Variants in PAK2 observed in about 807,000 individuals in gnomAD.
The protein encoded by PAK2 is serine/threonine-protein kinase PAK 2.
In PAK2, 21 loss-of-function variants were observed where a neutral mutation model predicts 65.9. The ratio of observed to expected loss-of-function variants is 0.32; its 90% CI spans 0.23 to 0.46. The LOEUF is 0.46. Among genes scored for constraint, PAK2 ranks in the 20% least tolerant of loss-of-function variants. The pLI is 1.00. For missense variants in PAK2, 324 were observed against 642.6 expected, an observed-to-expected ratio of 0.50 and a Z score of 5.36; for synonymous variants, 204 against 219.7, an observed-to-expected ratio of 0.93 and a Z score of 0.63.
chr3:196,820,467 G>A lies in PAK2; in HGVS notation c.1250G>A (p.Arg417Gln), dbSNP rs774110601. Reference protein sequence around the residue: ...PYWMAPEVVTRKAYGPKVDIW... With the variant: ...PYWMAPEVVTQKAYGPKVDIW... Reference sequence around the variant, plus strand: ...TGGATGGCACCAGAGGTGGTTACACGGAAAGCTTATGGCCCTAAAGTCGAC... The same window carrying A: ...TGGATGGCACCAGAGGTGGTTACACAGAAAGCTTATGGCCCTAAAGTCGAC... Residue 417 changes from arginine (R) to glutamine (Q), a missense_variant, in exon 13 of 15, where the codon CGG (arginine) becomes CAG (glutamine). By Grantham distance (43) the Arg-to-Gln change is conservative (BLOSUM62 1). This residue lies in a region of PAK2 where 36 missense variants were observed against 161.5 expected (regional missense o/e 0.22). Coordinates refer to ENST00000327134, the MANE Select transcript of PAK2 (RefSeq NM_002577.4). The surrounding 1 kb of genome is among the most constrained non-coding windows in gnomAD (Gnocchi z 4.6). The A allele has an allele frequency of 1.2e-6, 2 of 1,612,988 alleles. No individual in the cohort carries two copies. Among genetic ancestry groups the A allele is most frequent in the South Asian group, 1.1e-5 (1 of 90,996 alleles).
intron 2 of PAK2, among the ~76,000 whole-genome samples, chr3:196,797,650 G>C (rs763748527): frequency 6.6e-6 from 1 of 151,834 alleles, no homozygotes; most frequent in Non-Finnish European, 1.5e-5. Context: ...TACTTGGGAG[G>C]CTGAGGCATA....
At chr3:196,784,624 CATT>C (rs2108742070) in intron 2 of PAK2, among the ~76,000 whole-genome samples, 1 of 137,854 alleles carries the variant, frequency 7.3e-6, no homozygotes, top group African/African-American at 2.7e-5. Context: ...TCCAGTCTAT[CATT>C]GTTGGACATT....
chr3:196,748,433 G>A (rs1281953718), intron 1 of PAK2, among the ~76,000 whole-genome samples: 1 of 152,158 alleles, frequency 6.6e-6, no homozygotes, highest in Non-Finnish European at 1.5e-5. Flanking sequence ...GTCTCCACCA[G>A]TATCATACCG....
rs201042737 is a variant in PAK2 at position 196,751,663 on chromosome 3, TTA to T, written c.-22+11508_-22+11509del. ...CTGTCCCCCCAAAAAACACACAAAT[TTA>T]TTTATATACATATATATATATATAT... On this transcript the variant is annotated intron_variant, in intron 1 of 14. Transcript: ENST00000327134. Among the ~76,000 whole-genome samples, 160 of 45,506 alleles carry T rather than the reference TTA, an allele frequency of 3.5e-3. 2 individuals are homozygous for T. Among genetic ancestry groups the T allele is most frequent in the African/African-American group, 0.018 (155 of 8,574 alleles). 29.9% of individuals were successfully genotyped at this position (45,506 alleles called of 152,430 possible).
intron 1 of PAK2, among the ~76,000 whole-genome samples, chr3:196,761,480 C>T (rs1471758361): frequency 2.8e-4 from 23 of 83,002 alleles, no homozygotes; most frequent in Admixed American, 2.9e-4. Context: ...GGGGTAAGGT[C>T]ACAGATCAAC....
chr3:196,764,001 T>G (rs1225013262), intron 1 of PAK2, among the ~76,000 whole-genome samples: 1 of 147,344 alleles, frequency 6.8e-6, no homozygotes. Context: ...AGAGATGGGG[T>G]TTCACCGTGT....
intron 2 of PAK2, among the ~76,000 whole-genome samples, chr3:196,796,531 A>G (rs1445537069): frequency 1.3e-5 from 2 of 152,244 alleles, no homozygotes; most frequent in African/African-American, 4.8e-5. Flanking sequence ...GCACAACTCT[A>G]AATATACTAA....
chr3:196,808,284 T>C (rs951041905), intron 7 of PAK2, among the ~76,000 whole-genome samples: 33 of 151,860 alleles, frequency 2.2e-4, no homozygotes, highest in Middle Eastern at 3.4e-3. Flanking sequence ...GTCGTTGGGC[T>C]GGGCGCGGTG....
At chr3:196,767,682 G>A (rs963466060) in intron 1 of PAK2, among the ~76,000 whole-genome samples, 3 of 152,024 alleles carry the variant, frequency 2.0e-5, no homozygotes, top group Non-Finnish European at 4.4e-5. Context: ...TTTTAGTAGA[G>A]ACGGGGTTTC....
chr3:196,824,644 A>G (rs1336163259), intron 13 of PAK2, among the ~76,000 whole-genome samples: 1 of 152,136 alleles, frequency 6.6e-6, no homozygotes, highest in Non-Finnish European at 1.5e-5. Context: ...ATTACTTTGT[A>G]TGATATTATA....
At position 196,828,755 on chromosome 3, in the gene PAK2, A is replaced by G. The variant is rs942522796; in HGVS notation, c.*350A>G. 2.5e-5 allele frequency: 5 copies of G among 203,384 alleles called. No individual in the cohort carries two copies. The highest frequency in any genetic ancestry group is 9.0e-5 in the South Asian group (1 of 11,128). The allele number at this position is 203,384 out of a possible 1,614,324, so 12.6% of individuals were successfully genotyped here. A position where few individuals can be genotyped will look rare whatever the true frequency, so the allele number is the denominator to read the frequency against. On this transcript the variant is annotated 3_prime_UTR_variant, in exon 15 of 15. Transcript: ENST00000327134. ...CATTGTCCCCTTTGGGGTATTTCCA[A>G]TACTTGAATGGCAGATTGGAGTTTT... is the stretch of plus-strand genomic sequence containing the variant.
intron 1 of PAK2, among the ~76,000 whole-genome samples, chr3:196,779,638 T>C (rs1243265189): frequency 6.6e-6 from 1 of 152,180 alleles, no homozygotes; most frequent in Non-Finnish European, 1.5e-5. Context: ...TATAGCACTT[T>C]ACACTAATTA....
chr3:196,745,206 C>G (rs1214654903), intron 1 of PAK2, among the ~76,000 whole-genome samples: 3 of 151,538 alleles, frequency 2.0e-5, no homozygotes, highest in Non-Finnish European at 2.9e-5. Flanking sequence ...CTTCCGCCTC[C>G]CGGGTTCAAG....
intron 1 of PAK2, among the ~76,000 whole-genome samples, chr3:196,780,175 A>G (rs1006511753): frequency 1.4e-4 from 22 of 152,206 alleles, no homozygotes; most frequent in Non-Finnish European, 2.8e-4. Context: ...TCCTGCCCTC[A>G]TTTCTTCCTT....
chr3:196,782,575 TG>T, intron 1 of PAK2, 50 bp from the exon 2 acceptor site: 2 of 847,086 alleles, frequency 2.4e-6, no homozygotes, highest in Admixed American at 2.5e-5. Context: ...GTTTTTTGCT[TG>T]TTCGTGCTAT....
intron 2 of PAK2, among the ~76,000 whole-genome samples, chr3:196,792,967 A>G (rs981488227): frequency 6.6e-6 from 1 of 152,150 alleles, no homozygotes; most frequent in Non-Finnish European, 1.5e-5. Context: ...TGCAGAGGGG[A>G]ATCTGTGAGA....
intron 2 of PAK2, among the ~76,000 whole-genome samples, chr3:196,793,786 T>C (rs866256097): frequency 2.6e-5 from 4 of 152,006 alleles, no homozygotes; most frequent in African/African-American, 9.7e-5. Flanking sequence ...ACATTTAAAA[T>C]TACCAAAACA....
rs749736946 is a variant in PAK2 at position 196,807,867 on chromosome 3, A to G, written c.662A>G (p.Gln221Arg). The G allele has an allele frequency of 6.2e-7, 1 of 1,608,634 alleles. No individual in the cohort carries two copies. Among genetic ancestry groups the G allele is most frequent in the Non-Finnish European group, 8.5e-7 (1 of 1,175,056 alleles). Residue 221 changes from glutamine to arginine, a missense_variant, in exon 7 of 15, where the codon CAG becomes CGG. Gln to Arg is a conservative substitution (Grantham distance 43). Coordinates refer to ENST00000327134, the MANE Select transcript of PAK2 (RefSeq NM_002577.4). ...GGTGCTGCCAAGTCTTTAGACAAAC[A>G]GAAAAAGAAGACTAAGATGACAGAT... ...VDGAAKSLDKQKKKTKMTDEE... is the reference protein window; with the variant it reads ...VDGAAKSLDKRKKKTKMTDEE...
chr3:196,799,455 C>T (rs544711671), intron 2 of PAK2, among the ~76,000 whole-genome samples: 8 of 152,226 alleles, frequency 5.3e-5, no homozygotes, highest in Admixed American at 2.0e-4. Flanking sequence ...AGAGGCGACG[C>T]GAGTGCTCAC....
Sources: gnomAD v4.1 joint callset for allele counts (sites outside exome capture counted in the v4.1 genomes callset) on GRCh38, gnomAD v4.1.1 for gene constraint, gnomAD v4.1.1 regional missense constraint, Gnocchi (gnomAD v3.1) non-coding constraint, MANE v1.5 for transcripts, NCBI Gene and HGNC (gene_info 2026-07-23, HGNC 2026-07-21) for gene names.